The following ITPK1 variants were observed in gnomAD, a reference collection of about 807,000 sequenced individuals.
The protein encoded by ITPK1 is inositol 1,3,4-trisphosphate 5/6-kinase.
Under a neutral mutation model 45.3 loss-of-function variants are expected in ITPK1, and 21 were observed. The observed-to-expected ratio is 0.46, with a 90% CI of 0.33 to 0.67. The LOEUF (loss-of-function observed/expected upper bound fraction) is 0.67, where lower values mean the gene tolerates loss of function less well. Ranked by LOEUF, ITPK1 falls within the 30% of genes least tolerant of loss-of-function variation. The pLI, the probability that ITPK1 is intolerant of heterozygous loss-of-function variation, is 0.02. For missense variants in ITPK1, 474 were observed against 573.5 expected, an observed-to-expected ratio of 0.83 and a Z score of 1.77; for synonymous variants, 258 against 253.6, an observed-to-expected ratio of 1.02 and a Z score of -0.16.
chr14:93,114,068 G>C lies in ITPK1; in HGVS notation c.95+1001C>G, dbSNP rs1309708546. The stretch of plus-strand genomic sequence containing the variant: ...GGCCCCCACAGGGACAAAAATGCAA[G>C]TAGAGCCCATTTTCAAAAATCAGTC... On this transcript the variant is annotated intron_variant, in intron 2 of 10. Coordinates refer to ENST00000267615, the MANE Select transcript of ITPK1 (RefSeq NM_014216.6). Among the ~76,000 whole-genome samples, 5 of 152,360 alleles carry C rather than the reference G, an allele frequency of 3.3e-5. No homozygotes were observed. The East Asian group carries it at 9.6e-4, about 29-fold the overall frequency.
intron 4 of ITPK1, among the ~76,000 whole-genome samples, chr14:93,013,426 G>A (rs973574861): frequency 2.6e-5 from 4 of 152,290 alleles, no homozygotes; most frequent in South Asian, 2.1e-4. Context: ...AAGCAGGCAC[G>A]GCCTCCTGGC....
intron 7 of ITPK1, 21 bp downstream of exon 7, chr14:92,962,334 G>C: frequency 6.3e-7 from 1 of 1,585,864 alleles, no homozygotes. Flanking sequence ...AGGGACAACA[G>C]TCAGATCTTC....
In ITPK1 at chr14:93,034,594, G is replaced by A. The variant is rs1889235127; in HGVS notation, c.121-17793C>T. ...GGCAGGCCAGCCTGAGCTGCCTGGG[G>A]GCCCCTGGGACCTCCCACATCCTGC... On this transcript the variant is annotated intron_variant, in intron 3 of 10. Transcript: ENST00000267615. The surrounding 1 kb of genome is among the most constrained non-coding windows in gnomAD (Gnocchi z 4.1). 1.3e-5 allele frequency among the ~76,000 whole-genome samples: 2 copies of A among 152,178 alleles called. No homozygotes were observed. Among genetic ancestry groups the A allele is most frequent in the Non-Finnish European group, 2.9e-5 (2 of 68,024 alleles).
chr14:93,097,967 G>A (rs1175774932), intron 2 of ITPK1, among the ~76,000 whole-genome samples: 3 of 152,066 alleles, frequency 2.0e-5, no homozygotes, highest in East Asian at 1.9e-4. Context: ...CAAGATTGCC[G>A]CCAATGCACT....
At chr14:93,051,619 G>GAA (rs11442406) in intron 3 of ITPK1, among the ~76,000 whole-genome samples, 19 of 129,798 alleles carry the variant, frequency 1.5e-4, no homozygotes, top group South Asian at 2.5e-4. Flanking sequence ...TGTCTCAAAA[G>GAA]AAAAAAAAAA....
At chr14:93,098,290 A>G (rs1343433891) in intron 2 of ITPK1, among the ~76,000 whole-genome samples, 2 of 152,042 alleles carry the variant, frequency 1.3e-5, no homozygotes, top group Non-Finnish European at 2.9e-5. Context: ...CCCCGTCTCT[A>G]CTAAAACTAC....
chr14:93,111,821 G>A (rs79865422), intron 2 of ITPK1, among the ~76,000 whole-genome samples: 4,396 of 152,086 alleles, frequency 0.029, 105 homozygotes, highest in Admixed American at 0.083. Context: ...AACCAGAGCC[G>A]TGTCCCCAGA....
At chr14:93,073,400 CAA>C (rs1891100368) in intron 3 of ITPK1, among the ~76,000 whole-genome samples, 1 of 152,218 alleles carries the variant, frequency 6.6e-6, no homozygotes, top group Admixed American at 6.5e-5. Flanking sequence ...CTGAGATCTG[CAA>C]AATCCACTTT....
intron 3 of ITPK1, among the ~76,000 whole-genome samples, chr14:93,048,212 C>T (rs796872633): frequency 7.2e-5 from 11 of 152,336 alleles, no homozygotes; most frequent in East Asian, 1.9e-4. Flanking sequence ...TTTCTGACAT[C>T]GATGGTAGTA....
At chr14:93,050,836 G>C (rs1172315504) in intron 3 of ITPK1, among the ~76,000 whole-genome samples, 1 of 151,802 alleles carries the variant, frequency 6.6e-6, no homozygotes, top group Non-Finnish European at 1.5e-5. Context: ...GGAAGTGAGT[G>C]TCACTGGCCC....
intron 5 of ITPK1, among the ~76,000 whole-genome samples, chr14:92,971,889 G>A (rs977373291): frequency 6.6e-6 from 1 of 152,110 alleles, no homozygotes; most frequent in Non-Finnish European, 1.5e-5. Context: ...CACCCTCCTC[G>A]GGGTGCCTGG....
intron 2 of ITPK1, among the ~76,000 whole-genome samples, chr14:93,105,090 C>T (rs993605088): frequency 6.6e-6 from 1 of 152,222 alleles, no homozygotes; most frequent in Non-Finnish European, 1.5e-5. Context: ...AAGGTAGCAA[C>T]AGCAGGTAGA....
At chr14:93,083,071 G>C (rs1203241295) in intron 2 of ITPK1, among the ~76,000 whole-genome samples, 5 of 152,200 alleles carry the variant, frequency 3.3e-5, no homozygotes, top group Non-Finnish European at 7.3e-5. Context: ...AGCACTGAGG[G>C]AGAGGGGATG....
rs1887203795 is a variant in ITPK1, at chr14:92,938,206, C to T, written c.*3355G>A. ...ATCTCTTGACCTTGTGATCCACCTGCCTCAGCCTCCCTAAGTGCTGGGATG... is the reference window on the plus strand; with the variant it reads ...ATCTCTTGACCTTGTGATCCACCTGTCTCAGCCTCCCTAAGTGCTGGGATG... On this transcript the variant is annotated 3_prime_UTR_variant, in exon 11 of 11. Transcript: ENST00000267615. 1.5e-5 allele frequency: 8 copies of T among 524,416 alleles called. No homozygotes were observed. The South Asian group carries it at 2.1e-4, about 14-fold the overall frequency. The allele number at this position is 524,416 out of a possible 1,614,324, so 32.5% of individuals were successfully genotyped here.
chr14:93,085,332 C>G (rs1411644856), intron 2 of ITPK1, among the ~76,000 whole-genome samples: 1 of 152,188 alleles, frequency 6.6e-6, no homozygotes, highest in African/African-American at 2.4e-5. Flanking sequence ...TGGGGAGTCA[C>G]CAACCACCTT....
At chr14:92,959,552 C>T (rs535952738) in intron 7 of ITPK1, among the ~76,000 whole-genome samples, 28 of 152,178 alleles carry the variant, frequency 1.8e-4, no homozygotes, top group African/African-American at 3.4e-4. Context: ...AGGAAAAACA[C>T]GAGCAGCTCT....
intron 2 of ITPK1, among the ~76,000 whole-genome samples, chr14:93,103,962 G>A (rs916691782): frequency 6.6e-6 from 1 of 152,240 alleles, no homozygotes; most frequent in East Asian, 1.9e-4. Context: ...TCCCAGCAGA[G>A]ATGTGTCAGA....
chr14:93,016,757 G>A lies in ITPK1; in HGVS notation c.165C>T (p.Val55=). 4 of 1,614,142 alleles carry A rather than the reference G, an allele frequency of 2.5e-6. No homozygotes were observed. The highest frequency in any genetic ancestry group is 3.4e-6 in the Non-Finnish European group (4 of 1,180,006). Residue 55 remains valine, a synonymous_variant, in exon 4 of 11, where the codon GTC becomes GTT. Coordinates refer to ENST00000267615, the MANE Select transcript of ITPK1 (RefSeq NM_014216.6). This position sits in a 1 kb window ranked among gnomAD's most constrained non-coding sequence, Gnocchi z 5.0. Reference sequence around the variant, plus strand: ...TGACGTCAGTCAGCTTGTGGATGATGACGTCCAGGGGGCCCTGCTCCTCGA... The same window carrying A: ...TGACGTCAGTCAGCTTGTGGATGATAACGTCCAGGGGGCCCTGCTCCTCGA... ...RPIEEQGPLD[V]IIHKLTDVIL...
At position 92,946,214 on chromosome 14, in the gene ITPK1, C is replaced by T; in HGVS notation, c.901+117G>A. ...CTTCTCGGGGCTGCACCTCCCCGGA[C>T]CTCGTGGTGAGGGAGAAAGCTGGCT... On this transcript the variant is annotated intron_variant, in intron 10 of 10. Coordinates refer to ENST00000267615, the MANE Select transcript of ITPK1 (RefSeq NM_014216.6). 4 of 1,222,864 alleles carry T rather than the reference C, an allele frequency of 3.3e-6. No individual in the cohort carries two copies. The Admixed American group carries it at 7.1e-5, about 22-fold the overall frequency. The allele number at this position is 1,222,864 out of a possible 1,614,324, so 75.8% of individuals were successfully genotyped here.
Sources: gnomAD v4.1 joint callset for allele counts (sites outside exome capture counted in the v4.1 genomes callset) on GRCh38, gnomAD v4.1.1 for gene constraint, Gnocchi (gnomAD v3.1) non-coding constraint, MANE v1.5 for transcripts, NCBI Gene and HGNC (gene_info 2026-07-23, HGNC 2026-07-21) for gene names.